Variants in TLR6 observed in about 807,000 individuals in gnomAD.
TLR6 encodes the protein toll like receptor 6.
In TLR6, 9 loss-of-function variants were observed where a neutral mutation model predicts 16.1. That is an observed-to-expected ratio of 0.56 (90% CI 0.34 to 0.98). The LOEUF (loss-of-function observed/expected upper bound fraction) is 0.98, where lower values mean the gene tolerates loss of function less well. Ranked by LOEUF, TLR6 falls within the 50% of genes least tolerant of loss-of-function variation. The probability of loss-of-function intolerance (pLI) is 0.02; values close to 1 mark genes in which losing one functional copy is unlikely to be tolerated. For synonymous variants in TLR6, 340 were observed against 338.6 expected (o/e 1.00, Z -0.04); for missense variants, 786 against 921.0 (o/e 0.85, Z 1.90).
At chr4:38,826,324 G>A (rs1378134870) in exon 2 of TLR6, 1 of 152,226 alleles carries the variant, frequency 6.6e-6, no homozygotes, top group African/African-American at 2.4e-5. Flanking sequence ...GACTGGCTGT[G>A]TCTAGTATCA....
At chr4:38,822,949 C>T (rs1727388777), downstream of TLR6, among the ~76,000 whole-genome samples, 2 of 152,174 alleles carry the variant, frequency 1.3e-5, no homozygotes, top group Non-Finnish European at 2.9e-5. Flanking sequence ...GCTGGGGAAG[C>T]CTCACAATCA....
chr4:38,851,120 A>T (rs1001818197), intron 1 of TLR6, among the ~76,000 whole-genome samples: 1 of 150,774 alleles, frequency 6.6e-6, no homozygotes, highest in Non-Finnish European at 1.5e-5. Context: ...ACAGAACCAA[A>T]GACAAAAACC....
intron 1 of TLR6, among the ~76,000 whole-genome samples, chr4:38,846,891 T>C (rs58662858): frequency 0.031 from 4,743 of 152,120 alleles, 218 homozygotes; most frequent in African/African-American, 0.087. Context: ...TATTATAAAA[T>C]TAAGAGTAAT....
At chr4:38,857,664 A>T (rs1713044332), upstream of TLR6, among the ~76,000 whole-genome samples, 1 of 138,346 alleles carries the variant, frequency 7.2e-6, no homozygotes, top group South Asian at 2.3e-4. Flanking sequence ...TTAAAAAAAA[A>T]ACAACAACAA....
chr4:38,829,378 A>T (rs1727721070), exon 2 of TLR6: 5 of 1,613,994 alleles, frequency 3.1e-6, no homozygotes, highest in Non-Finnish European at 3.4e-6. Context: ...CTGCAAATTC[A>T]TTTCCGTCGG....
chr4:38,845,517 G>T (rs1041049023), intron 1 of TLR6, among the ~76,000 whole-genome samples: 1 of 152,246 alleles, frequency 6.6e-6, no homozygotes, highest in African/African-American at 2.4e-5. Context: ...GGATGTCAGG[G>T]TGATGTGATA....
At chr4:38,861,245 A>G (rs1476943597), upstream of TLR6, among the ~76,000 whole-genome samples, 19 of 151,910 alleles carry the variant, frequency 1.3e-4, no homozygotes, top group Non-Finnish European at 2.9e-5. Flanking sequence ...AATTCTAGTG[A>G]TTTCCATAGC....
chr4:38,854,262 C>T (rs1712878980), intron 1 of TLR6, among the ~76,000 whole-genome samples: 2 of 152,168 alleles, frequency 1.3e-5, no homozygotes, highest in Admixed American at 1.3e-4. Context: ...TTAAGACAGA[C>T]TTGCTATAAA....
At position 38,827,234 on chromosome 4, in the gene TLR6, T is replaced by C. The variant is rs1197692542; in HGVS notation, c.2240A>G (p.Lys747Arg). 5 of 1,614,078 alleles carry C rather than the reference T, an allele frequency of 3.1e-6. No homozygotes were observed. The highest frequency in any genetic ancestry group is 2.2e-5 in the South Asian group (2 of 91,080). ...CATGAGAGCCTTCAGCTTGTGGTACTTGTTGGGAATGCTGTTCTGTGGAAT... is the reference window on the plus strand; with the variant it reads ...CATGAGAGCCTTCAGCTTGTGGTACCTGTTGGGAATGCTGTTCTGTGGAAT... The change falls in exon 2 of 2, where the codon AAG (lysine) becomes AGG (arginine). Residue 747 changes from lysine to arginine, a missense_variant. Physicochemically the swap from Lys to Arg is conservative, Grantham distance 26. Transcript: ENST00000436693.
chr4:38,845,162 TAA>T (rs1350801598), intron 1 of TLR6, among the ~76,000 whole-genome samples: 1 of 152,224 alleles, frequency 6.6e-6, no homozygotes, highest in Admixed American at 6.5e-5. Flanking sequence ...TGAAAAATAT[TAA>T]GTTATATCTC....
At chr4:38,862,556 C>T in the TLR6 span, among the ~76,000 whole-genome samples, 16 of 149,306 alleles carry the variant, frequency 1.1e-4, no homozygotes, top group Non-Finnish European at 2.1e-4. Flanking sequence ...GCTGGGATTA[C>T]AGGCGTGTGC....
chr4:38,861,147 T>C (rs1343399316), upstream of TLR6, among the ~76,000 whole-genome samples: 2 of 151,904 alleles, frequency 1.3e-5, no homozygotes, highest in Non-Finnish European at 2.9e-5. Context: ...AACCCACCCC[T>C]TCTCATTGCA....
At position 38,827,215 on chromosome 4, in the gene TLR6, A is replaced by AG; in HGVS notation, c.2258dup (p.Leu754SerfsTer23). On this transcript the variant is annotated frameshift_variant, in exon 2 of 2. Coordinates refer to ENST00000436693, the Ensembl canonical transcript of TLR6. LOFTEE classifies it high-confidence loss of function. ...GCAAATAAGTCCGCTGCGTCATGAG[A>AG]GCCTTCAGCTTGTGGTACTTGTTGG... The AG allele has an allele frequency of 1.2e-6, 2 of 1,614,134 alleles. No homozygotes were observed. The highest frequency in any genetic ancestry group is 1.7e-6 in the Non-Finnish European group (2 of 1,180,022).
intron 1 of TLR6, among the ~76,000 whole-genome samples, chr4:38,836,206 TAAAC>T (rs1197293815): frequency 6.6e-6 from 1 of 151,540 alleles, no homozygotes; most frequent in African/African-American, 2.4e-5. Flanking sequence ...TTTGAAAAGA[TAAAC>T]AAAACCAATA....
intron 1 of TLR6, among the ~76,000 whole-genome samples, chr4:38,845,611 GT>G (rs1365818582): frequency 6.6e-6 from 1 of 152,192 alleles, no homozygotes; most frequent in East Asian, 1.9e-4. Context: ...GCCTCTAGAA[GT>G]TTGAAAAGGC....
the TLR6 span, among the ~76,000 whole-genome samples, chr4:38,863,546 C>A: frequency 6.6e-6 from 1 of 152,170 alleles, no homozygotes; most frequent in African/African-American, 2.4e-5. Context: ...CCTCTTGCAT[C>A]CTTCCTCATA....
At chr4:38,829,893 G>T (rs539669107) in intron 1 of TLR6, among the ~76,000 whole-genome samples, 22 of 152,204 alleles carry the variant, frequency 1.4e-4, no homozygotes, top group Admixed American at 3.3e-4. Flanking sequence ...CATACTAGCT[G>T]CAGCCACCTG....
intron 1 of TLR6, among the ~76,000 whole-genome samples, chr4:38,854,452 A>G (rs188353294): frequency 6.6e-6 from 1 of 151,782 alleles, no homozygotes; most frequent in Non-Finnish European, 1.5e-5. Flanking sequence ...TATTTTTACT[A>G]TAAGATATTT....
upstream of TLR6, among the ~76,000 whole-genome samples, chr4:38,858,200 G>A (rs140034778): frequency 2.0e-4 from 30 of 152,300 alleles, no homozygotes; most frequent in African/African-American, 5.1e-4. Context: ...GTACTGGGCC[G>A]AACCTCCACT....
Sources: gnomAD v4.1 joint callset for allele counts (sites outside exome capture counted in the v4.1 genomes callset) on GRCh38, gnomAD v4.1.1 for gene constraint, MANE v1.5 for transcripts, NCBI Gene and HGNC (gene_info 2026-07-23, HGNC 2026-07-21) for gene names.